Variants in ACOXL observed in about 807,000 individuals in gnomAD.
ACOXL encodes acyl-CoA oxidase like.
In ACOXL, 70 loss-of-function variants were observed where a neutral mutation model predicts 71.9. That is an observed-to-expected ratio of 0.97 (90% CI 0.80 to 1.19). The LOEUF (loss-of-function observed/expected upper bound fraction) is 1.19, where lower values mean the gene tolerates loss of function less well. Among genes scored for constraint, ACOXL ranks in the 50% most tolerant of loss-of-function variants. The pLI, the probability that ACOXL is intolerant of heterozygous loss-of-function variation, is 0.00. For missense variants in ACOXL, 703 were observed against 736.3 expected, an observed-to-expected ratio of 0.95 and a Z score of 0.52; for synonymous variants, 253 against 281.6, an observed-to-expected ratio of 0.90 and a Z score of 1.02.
At chr2:110,926,796 C>T (rs74970844) in intron 11 of ACOXL, among the ~76,000 whole-genome samples, 2,012 of 152,178 alleles carry the variant, frequency 0.013, 49 homozygotes, top group African/African-American at 0.047. Context: ...CATCTCTCCC[C>T]GACCATCCCT....
intron 2 of ACOXL, among the ~76,000 whole-genome samples, chr2:110,782,918 A>G (rs1035883063): frequency 6.6e-6 from 1 of 152,196 alleles, no homozygotes; most frequent in Admixed American, 6.5e-5. Context: ...GGCCCAGGAC[A>G]GGTTGATGTC....
chr2:110,803,701 A>G (rs573365188), intron 8 of ACOXL, among the ~76,000 whole-genome samples: 4 of 152,248 alleles, frequency 2.6e-5, no homozygotes, highest in Admixed American at 2.6e-4. Flanking sequence ...AACTTTTTGC[A>G]TCAAAGAACA....
At chr2:110,783,483 TTGTA>T (rs1683580290) in intron 2 of ACOXL, among the ~76,000 whole-genome samples, 3 of 152,120 alleles carry the variant, frequency 2.0e-5, no homozygotes, top group Admixed American at 2.0e-4. Flanking sequence ...GAGAGAAACA[TTGTA>T]AAAACCTATG....
At chr2:110,951,007 A>G (rs1399569178) in intron 12 of ACOXL, among the ~76,000 whole-genome samples, 1 of 152,068 alleles carries the variant, frequency 6.6e-6, no homozygotes, top group African/African-American at 2.4e-5. Flanking sequence ...TGGAATTTAT[A>G]GCATCTCTTT....
In ACOXL at chr2:110,799,035, C is replaced by G. The variant is rs766308626; in HGVS notation, c.482C>G (p.Pro161Arg). 6.2e-7 allele frequency: 1 copy of G among 1,613,800 alleles called. No homozygotes were observed. Among genetic ancestry groups the G allele is most frequent in the Non-Finnish European group, 8.5e-7 (1 of 1,179,898 alleles). ...TTAGGGCCCCACTGTTTCATCGTTC[C>G]TGTCCGGGATGAAAACGGAAGCTTG... ...RSQGPHCFIV[P>R]VRDENGSLYP... The change falls in exon 7 of 18, where the codon CCT (proline) becomes CGT (arginine). Residue 161 changes from proline (P) to arginine (R), a missense_variant. Coordinates refer to ENST00000439055, the MANE Select transcript of ACOXL (RefSeq NM_001142807.4).
chr2:110,786,324 A>G (rs1683959692), intron 3 of ACOXL, among the ~76,000 whole-genome samples: 1 of 152,216 alleles, frequency 6.6e-6, no homozygotes, highest in South Asian at 2.1e-4. Flanking sequence ...TAGGAATTAA[A>G]AACAAAGATA....
At chr2:110,927,830 G>A (rs2060334300) in intron 11 of ACOXL, among the ~76,000 whole-genome samples, 1 of 152,176 alleles carries the variant, frequency 6.6e-6, no homozygotes, top group Admixed American at 6.5e-5. Flanking sequence ...TTGGAGCTTT[G>A]CCTTTAAATC....
Position 110,789,292 on chromosome 2 carries a change from C to CT in ACOXL, c.160-4357dup, listed in dbSNP as rs199886970. Among the ~76,000 whole-genome samples the CT allele has an allele frequency of 2.6e-5, 4 of 152,230 alleles. No homozygotes were observed. In the East Asian group the frequency reaches 7.7e-4, roughly 29 times the overall value. ...AGCATGGGTGCAATCTGGAAGGACT[C>CT]TAACTAAAGCTGAAAGAAATGAGAC... On this transcript the variant is annotated intron_variant, in intron 3 of 17. Transcript: ENST00000439055.
intron 16 of ACOXL, among the ~76,000 whole-genome samples, chr2:111,092,003 G>T (rs1341745765): frequency 6.6e-6 from 1 of 152,148 alleles, no homozygotes; most frequent in Admixed American, 6.5e-5. Context: ...GAATAAGAGG[G>T]TTTTGTTTTT....
At chr2:110,799,549 C>T (rs868788502) in intron 7 of ACOXL, among the ~76,000 whole-genome samples, 7 of 152,178 alleles carry the variant, frequency 4.6e-5, no homozygotes, top group Middle Eastern at 3.2e-3. Flanking sequence ...GGGGCTTAAA[C>T]AACAGAAGTG....
intron 13 of ACOXL, among the ~76,000 whole-genome samples, chr2:110,991,533 A>G (rs956297742): frequency 2.0e-5 from 3 of 151,934 alleles, no homozygotes; most frequent in African/African-American, 7.2e-5. Context: ...CCCTCAAACC[A>G]AAAGTATTGA....
chr2:111,038,620 G>A (rs1029909287), intron 15 of ACOXL, among the ~76,000 whole-genome samples: 12 of 152,176 alleles, frequency 7.9e-5, no homozygotes, highest in Non-Finnish European at 1.6e-4. Context: ...TACTGTATTT[G>A]TGAGTTTTCC....
intron 14 of ACOXL, among the ~76,000 whole-genome samples, chr2:111,026,702 T>C (rs2065029856): frequency 6.6e-6 from 1 of 152,126 alleles, no homozygotes; most frequent in African/African-American, 2.4e-5. Context: ...TCCAGTAGCT[T>C]TGTTGCCAGA....
At chr2:110,780,735 A>G (rs115867567) in intron 2 of ACOXL, among the ~76,000 whole-genome samples, 134 of 152,290 alleles carry the variant, frequency 8.8e-4, no homozygotes, top group African/African-American at 3.2e-3. Context: ...ATGGTGATAC[A>G]AAAAGAAGTG....
At chr2:111,005,684 G>C (rs1424847722) in intron 14 of ACOXL, among the ~76,000 whole-genome samples, 1 of 152,162 alleles carries the variant, frequency 6.6e-6, no homozygotes, top group Non-Finnish European at 1.5e-5. Context: ...TCTCACCTTA[G>C]TTCTCTTCTG....
intron 1 of ACOXL, among the ~76,000 whole-genome samples, chr2:110,737,421 C>T (rs1161931487): frequency 6.6e-6 from 1 of 152,190 alleles, no homozygotes; most frequent in East Asian, 1.9e-4. Flanking sequence ...GTCAGTGTAT[C>T]ACCATTTTTA....
At chr2:110,901,448 A>G (rs184586164) in intron 10 of ACOXL, among the ~76,000 whole-genome samples, 2 of 152,288 alleles carry the variant, frequency 1.3e-5, no homozygotes, top group South Asian at 2.1e-4. Context: ...ATTGAGAATC[A>G]TGTATTCTAT....
At chr2:111,068,643 T>C (rs1360267877) in intron 16 of ACOXL, among the ~76,000 whole-genome samples, 1 of 152,218 alleles carries the variant, frequency 6.6e-6, no homozygotes, top group East Asian at 1.9e-4. Flanking sequence ...GGATGGGCTA[T>C]GCTCAACAGG....
intron 14 of ACOXL, among the ~76,000 whole-genome samples, chr2:110,999,578 G>A (rs1300979145): frequency 6.6e-6 from 1 of 152,118 alleles, no homozygotes; most frequent in African/African-American, 2.4e-5. Context: ...TCTTCTCCAT[G>A]CTGTACCAGA....
Sources: gnomAD v4.1 joint callset for allele counts (sites outside exome capture counted in the v4.1 genomes callset) on GRCh38, gnomAD v4.1.1 for gene constraint, MANE v1.5 for transcripts, NCBI Gene and HGNC (gene_info 2026-07-23, HGNC 2026-07-21) for gene names.